The following KCNH8 variants were observed in gnomAD, a reference collection of about 807,000 sequenced individuals.
KCNH8 encodes voltage-gated delayed rectifier potassium channel KCNH8.
A neutral mutation model predicts 103.6 loss-of-function variants in KCNH8; 70 were observed. The observed-to-expected ratio is 0.68, with a 90% CI of 0.56 to 0.82. The LOEUF (loss-of-function observed/expected upper bound fraction) is 0.82. KCNH8 is among the 40% of genes least tolerant of loss of function. KCNH8 has a pLI of 0.00. For missense variants in KCNH8, 1,217 were observed against 1,329.9 expected, an observed-to-expected ratio of 0.92 and a Z score of 1.32; for synonymous variants, 498 against 489.4, an observed-to-expected ratio of 1.02 and a Z score of -0.23.
intron 15 of KCNH8, among the ~76,000 whole-genome samples, chr3:19,527,100 G>T (rs1449999612): frequency 6.6e-6 from 1 of 151,932 alleles, no homozygotes. Flanking sequence ...GAATGCAGCT[G>T]CTCAAACTTT....
chr3:19,492,356 G>T (rs552668083), intron 11 of KCNH8, among the ~76,000 whole-genome samples: 11 of 152,210 alleles, frequency 7.2e-5, no homozygotes, highest in Middle Eastern at 3.4e-3. Context: ...TTTGTATGTG[G>T]TGACAGATAG....
At position 19,347,861 on chromosome 3, in the gene KCNH8, C is replaced by T. The variant is rs2065748796; in HGVS notation, c.707C>T (p.Ala236Val). Residue 236 changes from alanine to valine, a missense_variant, in exon 5 of 16, where the codon GCT (alanine) becomes GTT (valine). Ala to Val is a moderately conservative substitution (Grantham distance 64). Around this residue, in one of 3 missense-constraint regions of KCNH8, gnomAD observed 415 missense variants for 577.4 expected, o/e 0.72. Transcript: ENST00000328405. ...ATTTTGTTGGCAACGTTTTATGTTGCTGTGACTGTACCTTACAACGTTTGC... is the reference window on the plus strand; with the variant it reads ...ATTTTGTTGGCAACGTTTTATGTTGTTGTGACTGTACCTTACAACGTTTGC... ...WLILLATFYVAVTVPYNVCFI... is the reference protein window; with the variant it reads ...WLILLATFYVVVTVPYNVCFI... 1 of 1,613,314 alleles carries T rather than the reference C, an allele frequency of 6.2e-7. No homozygotes were observed. The highest frequency in any genetic ancestry group is 1.1e-5 in the South Asian group (1 of 91,070).
intron 1 of KCNH8, among the ~76,000 whole-genome samples, chr3:19,214,814 C>T (rs1365112756): frequency 6.6e-6 from 1 of 152,210 alleles, no homozygotes; most frequent in Non-Finnish European, 1.5e-5. Context: ...AAATCTCGTG[C>T]TCTCTAACCA....
intron 1 of KCNH8, among the ~76,000 whole-genome samples, chr3:19,174,663 G>A (rs2063380137): frequency 6.6e-6 from 1 of 151,966 alleles, no homozygotes. Context: ...AATTAGTTAG[G>A]CATTTACTAC....
intron 5 of KCNH8, among the ~76,000 whole-genome samples, chr3:19,386,257 T>G (rs1309101327): frequency 1.3e-5 from 2 of 152,254 alleles, no homozygotes; most frequent in East Asian, 3.9e-4. Flanking sequence ...ATTTGTCTTT[T>G]ATTAATCATT....
chr3:19,157,271 G>C lies in KCNH8; in HGVS notation c.76+8476G>C, dbSNP rs1324864074. On this transcript the variant is annotated intron_variant, in intron 1 of 15. Coordinates refer to ENST00000328405, the MANE Select transcript of KCNH8 (RefSeq NM_144633.3). ...AGAGAATAAAGTAGAAGGTAAAATT[G>C]GGCAAGGTTTTTACCTTAACATCTG... is the stretch of plus-strand genomic sequence containing the variant. Among the ~76,000 whole-genome samples the C allele has an allele frequency of 2.6e-5, 4 of 152,156 alleles. No individual in the cohort carries two copies. The South Asian group carries it at 8.3e-4, about 32-fold the overall frequency.
At position 19,506,044 on chromosome 3, in the gene KCNH8, C is replaced by CA. The variant is rs1157736585; in HGVS notation, c.2041-4318dup. Reference sequence around the variant, plus strand: ...GTTTTATAATGGCTATTTCATCCATCAGCTCCTGAATCATTTTATGGTACT... The same window carrying CA: ...GTTTTATAATGGCTATTTCATCCATCAAGCTCCTGAATCATTTTATGGTACT... On this transcript the variant is annotated intron_variant, in intron 11 of 15. Coordinates refer to ENST00000328405, the MANE Select transcript of KCNH8 (RefSeq NM_144633.3). Among the ~76,000 whole-genome samples, 3 of 152,276 alleles carry CA rather than the reference C, an allele frequency of 2.0e-5. No individual in the cohort carries two copies. The South Asian group carries it at 6.2e-4, about 32-fold the overall frequency.
At chr3:19,420,195 C>G (rs2066930006) in intron 7 of KCNH8, among the ~76,000 whole-genome samples, 2 of 152,186 alleles carry the variant, frequency 1.3e-5, no homozygotes, top group African/African-American at 2.4e-5. Flanking sequence ...ACGGCTGCCA[C>G]TGCTGCTGTG....
chr3:19,355,597 G>A (rs1243162378), intron 5 of KCNH8, among the ~76,000 whole-genome samples: 2 of 152,010 alleles, frequency 1.3e-5, no homozygotes, highest in African/African-American at 4.8e-5. Flanking sequence ...CATGGATGAA[G>A]CTAGAAACCA....
Position 19,342,625 on chromosome 3 carries a change from G to T in KCNH8, c.481G>T (p.Asp161Tyr). The stretch of plus-strand genomic sequence containing the variant: ...AAGATCAAGAGCAGGGACCCACTTT[G>T]ACTCAGCCCGGAGACGGAGTCGAGC... ...KGRSRAGTHFDSARRRSRAVL... is the reference protein window; with the variant it reads ...KGRSRAGTHFYSARRRSRAVL... Residue 161 changes from aspartate to tyrosine, a missense_variant, in exon 4 of 16, where the codon GAC (aspartate) becomes TAC (tyrosine). By Grantham distance (160) the Asp-to-Tyr change is radical. Coordinates refer to ENST00000328405, the MANE Select transcript of KCNH8 (RefSeq NM_144633.3). 1 of 1,610,876 alleles carries T rather than the reference G, an allele frequency of 6.2e-7. No individual in the cohort carries two copies. The highest frequency in any genetic ancestry group is 1.1e-5 in the South Asian group (1 of 90,968).
At position 19,170,773 on chromosome 3, in the gene KCNH8, TACACAC is replaced by T. The variant is rs200575109; in HGVS notation, c.76+21990_76+21995del. 3.7e-3 allele frequency among the ~76,000 whole-genome samples: 500 copies of T among 134,560 alleles called. 20 individuals are homozygous for T. Among genetic ancestry groups the T allele is most frequent in the African/African-American group, 0.014 (475 of 33,436 alleles). The allele number at this position is 134,560 out of a possible 152,430, so 88.3% of individuals were successfully genotyped here. A position where few individuals can be genotyped will look rare whatever the true frequency, so the allele number is the denominator to read the frequency against. On this transcript the variant is annotated intron_variant, in intron 1 of 15. Transcript: ENST00000328405. The stretch of plus-strand genomic sequence containing the variant: ...ACACATATATATACACACATATATA[TACACAC>T]ACACACACACATATATATATATATA...
chr3:19,311,205 G>A (rs868842989), intron 3 of KCNH8, among the ~76,000 whole-genome samples: 3 of 151,648 alleles, frequency 2.0e-5, no homozygotes, highest in Non-Finnish European at 4.4e-5. Context: ...AACTAACATT[G>A]ATTGAGTAGT....
chr3:19,258,947 C>CTCTCTATATATA (rs1321918245), intron 2 of KCNH8, among the ~76,000 whole-genome samples: 13 of 24,800 alleles, frequency 5.2e-4, no homozygotes, highest in Non-Finnish European at 7.2e-4. Flanking sequence ...CTCTCTCTCT[C>CTCTCTATATATA]TATATATATA....
At chr3:19,293,952 T>C (rs1209730507) in intron 3 of KCNH8, among the ~76,000 whole-genome samples, 2 of 152,206 alleles carry the variant, frequency 1.3e-5, no homozygotes, top group Admixed American at 6.5e-5. Context: ...TGTTTCAAAG[T>C]AACCAGATCA....
At chr3:19,253,539 A>C (rs2064305719) in intron 1 of KCNH8, 115 bp from the exon 2 acceptor site, 1 of 796,274 alleles carries the variant, frequency 1.3e-6, no homozygotes, top group Admixed American at 2.1e-5. Flanking sequence ...GCAGCACATC[A>C]GAATGTGCCT....
chr3:19,266,379 C>T (rs2064510924), intron 2 of KCNH8, among the ~76,000 whole-genome samples: 1 of 152,054 alleles, frequency 6.6e-6, no homozygotes. Flanking sequence ...GGTGTTCCCC[C>T]TGCCAGGAAT....
chr3:19,344,439 T>C (rs2065702770), intron 4 of KCNH8, among the ~76,000 whole-genome samples: 1 of 152,096 alleles, frequency 6.6e-6, no homozygotes, highest in African/African-American at 2.4e-5. Context: ...CTCCCACTAC[T>C]TAGCTAATTT....
At chr3:19,416,803 A>G (rs994590712) in intron 7 of KCNH8, among the ~76,000 whole-genome samples, 1 of 152,206 alleles carries the variant, frequency 6.6e-6, no homozygotes, top group African/African-American at 2.4e-5. Context: ...TGCAATGCAC[A>G]TGGCTGAATT....
At position 19,456,944 on chromosome 3, in the gene KCNH8, GA is replaced by G. The variant is rs770393382; in HGVS notation, c.2003del (p.Asp668AlafsTer14). 1.2e-6 allele frequency: 2 copies of G among 1,612,088 alleles called. No homozygotes were observed. Among genetic ancestry groups the G allele is most frequent in the African/African-American group, 2.7e-5 (2 of 74,754 alleles). On this transcript the variant is annotated frameshift_variant, in exon 11 of 16. Coordinates refer to ENST00000328405, the MANE Select transcript of KCNH8 (RefSeq NM_144633.3). LOFTEE classifies it high-confidence loss of function. ...AHKFVEDIQH[D>X]LTYNLREGHE... ...CAAATTCGTGGAAGACATTCAGCAT[GA>G]CCTCACATACAACCTCCGAGAAGGT...
Sources: gnomAD v4.1 joint callset for allele counts (sites outside exome capture counted in the v4.1 genomes callset) on GRCh38, gnomAD v4.1.1 for gene constraint, gnomAD v4.1.1 regional missense constraint, MANE v1.5 for transcripts, NCBI Gene and HGNC (gene_info 2026-07-23, HGNC 2026-07-21) for gene names.